Variants in ASB10 observed in about 807,000 individuals in gnomAD.
The protein encoded by ASB10 is ankyrin repeat and SOCS box protein 10.
Under a neutral mutation model 35.4 loss-of-function variants are expected in ASB10, and 44 were observed. That is an observed-to-expected ratio of 1.24 (90% CI 0.98 to 1.60). The LOEUF is 1.60. Among genes scored for constraint, ASB10 ranks in the 40% most tolerant of loss-of-function variants. The probability of loss-of-function intolerance (pLI) is 0.00; values close to 1 mark genes in which losing one functional copy is unlikely to be tolerated. For synonymous variants in ASB10, 294 were observed against 280.4 expected (o/e 1.05, Z -0.49); for missense variants, 647 against 634.3 (o/e 1.02, Z -0.22).
At chr7:151,184,879 A>G (rs1009281992) in intron 2 of ASB10, among the ~76,000 whole-genome samples, 276 of 151,560 alleles carry the variant, frequency 1.8e-3, no homozygotes, top group Admixed American at 4.5e-3. Context: ...AAAATTAGCC[A>G]GGCATGGTGG....
At chr7:151,176,375 TG>T (rs1034061352) in intron 4 of ASB10, 78 bp from the exon 5 acceptor site, 483 of 1,492,680 alleles carry the variant, frequency 3.2e-4, no homozygotes, top group Non-Finnish European at 3.6e-4. Flanking sequence ...GGTAGGCTGG[TG>T]AGGGGTGGGG....
At chr7:151,179,065 C>G (rs190673859) in intron 3 of ASB10, among the ~76,000 whole-genome samples, 2 of 152,350 alleles carry the variant, frequency 1.3e-5, no homozygotes, top group African/African-American at 2.4e-5. Flanking sequence ...ACTCCCATGT[C>G]CAATGATACC....
At chr7:151,179,822 C>T (rs893726283) in intron 3 of ASB10, among the ~76,000 whole-genome samples, 1 of 152,226 alleles carries the variant, frequency 6.6e-6, no homozygotes, top group African/African-American at 2.4e-5. Context: ...AAATCATTAG[C>T]TGTCAGAGCT....
chr7:151,187,309 CCA>C (rs1563578884), upstream of ASB10: 1 of 1,508,316 alleles, frequency 6.6e-7, no homozygotes, highest in Admixed American at 2.1e-5. The surrounding 1 kb of genome is among the most constrained non-coding windows in gnomAD (Gnocchi z 5.3). Context: ...TGTTCTTGGG[CCA>C]AGGTGTAGGC....
At chr7:151,186,084 A>C (rs1801582747) in intron 2 of ASB10, among the ~76,000 whole-genome samples, 1 of 152,096 alleles carries the variant, frequency 6.6e-6, no homozygotes, top group Non-Finnish European at 1.5e-5. Flanking sequence ...AAGTGTTTTC[A>C]AAAATTTTAA....
At chr7:151,185,588 G>T (rs1801574120) in intron 2 of ASB10, among the ~76,000 whole-genome samples, 1 of 152,190 alleles carries the variant, frequency 6.6e-6, no homozygotes, top group Admixed American at 6.5e-5. Flanking sequence ...GAGGGTCCAT[G>T]AAAGGAGAAC....
chr7:151,178,113 G>C (rs947453719), intron 3 of ASB10, among the ~76,000 whole-genome samples: 58 of 152,248 alleles, frequency 3.8e-4, no homozygotes, highest in African/African-American at 1.4e-3. Context: ...CCGGGCGGTA[G>C]TGGCATGCAC....
At chr7:151,187,513 G>T, upstream of ASB10, 1 of 1,551,470 alleles carries the variant, frequency 6.4e-7, no homozygotes, top group Non-Finnish European at 8.7e-7. The surrounding 1 kb of genome is among the most constrained non-coding windows in gnomAD (Gnocchi z 5.3). Flanking sequence ...GGTCGGCTGT[G>T]CTGTGCGGGG....
upstream of ASB10, chr7:151,187,291 C>T (rs1246375583): frequency 1.3e-6 from 2 of 1,508,376 alleles, no homozygotes; most frequent in African/African-American, 1.4e-5. This position sits in a 1 kb window ranked among gnomAD's most constrained non-coding sequence, Gnocchi z 5.3. Context: ...CTGGGCTCCA[C>T]ATGACTGTGT....
Position 151,176,158 on chromosome 7 carries a change from C to T in ASB10, c.1358G>A (p.Arg453His), listed in dbSNP as rs544876556. 9.3e-6 allele frequency: 15 copies of T among 1,611,714 alleles called. No individual in the cohort carries two copies. Among genetic ancestry groups the T allele is most frequent in the East Asian group, 2.2e-5 (1 of 44,886 alleles). Reference protein sequence around the residue: ...QALPRLPLPPRLLRYLQLDFE... With the variant: ...QALPRLPLPPHLLRYLQLDFE... Reference sequence around the variant, plus strand: ...ATCCAGCTGCAGGTAGCGGAGCAGGCGCGGTGGCAGGGGGAGGCGGGGCAG... The same window carrying T: ...ATCCAGCTGCAGGTAGCGGAGCAGGTGCGGTGGCAGGGGGAGGCGGGGCAG... The change falls in exon 5 of 6, where the codon CGC (arginine) becomes CAC (histidine). Residue 453 changes from arginine (R) to histidine (H), a missense_variant. Coordinates refer to ENST00000420175, the MANE Select transcript of ASB10 (RefSeq NM_001142459.2).
At chr7:151,181,544 C>T (rs1801494919) in intron 2 of ASB10, 86 bp from the exon 3 acceptor site, 2 of 1,453,466 alleles carry the variant, frequency 1.4e-6, no homozygotes, top group African/African-American at 2.8e-5. Context: ...TTCTGTCTCC[C>T]CCCACCCACC....
intron 2 of ASB10, among the ~76,000 whole-genome samples, chr7:151,183,413 T>C (rs938865987): frequency 2.6e-5 from 4 of 152,064 alleles, no homozygotes; most frequent in African/African-American, 7.2e-5. Context: ...CTCTCTCTCT[T>C]TTTTTTTCTT....
chr7:151,182,248 G>T (rs766224780), intron 2 of ASB10, among the ~76,000 whole-genome samples: 28 of 152,180 alleles, frequency 1.8e-4, no homozygotes, highest in Non-Finnish European at 3.8e-4. Flanking sequence ...GGGCCTGACA[G>T]TGGGCACACA....
chr7:151,181,325 A>G lies in ASB10; in HGVS notation c.718T>C (p.Cys240Arg), dbSNP rs747726049. Residue 240 changes from cysteine to arginine, a missense_variant, in exon 3 of 6, where the codon TGT becomes CGT. Cys to Arg is a radical substitution (Grantham distance 180, BLOSUM62 -3). Coordinates refer to ENST00000420175, the MANE Select transcript of ASB10 (RefSeq NM_001142459.2). ...CCTTCGGCATTGCGGGCATCAGGAC[A>G]TGCCCCCCGTCTTAGAAGCAGATCT... ...LADLLLRRGA[C>R]PDARNAEGWT... 6.2e-7 allele frequency: 1 copy of G among 1,613,244 alleles called. No homozygotes were observed. Among genetic ancestry groups the G allele is most frequent in the African/African-American group, 1.3e-5 (1 of 75,070 alleles).
At position 151,176,300 on chromosome 7, in the gene ASB10, G is replaced by T. The variant is rs552437104; in HGVS notation, c.1219-3C>A. 2.6e-6 allele frequency: 4 copies of T among 1,541,806 alleles called. 1 individual carries two copies. Among genetic ancestry groups the T allele is most frequent in the Non-Finnish European group, 3.5e-6 (4 of 1,144,474 alleles). ...GAGGAGTAGAAACGCTGATGTTTCT[G>T]GGGGCAGAACAAGGGGCTCAGTGAG... is the stretch of plus-strand genomic sequence containing the variant. On this transcript the variant is annotated splice_region_variant and splice_polypyrimidine_tract_variant and intron_variant, in intron 4 of 5. Transcript: ENST00000420175.
intron 3 of ASB10, among the ~76,000 whole-genome samples, chr7:151,178,692 G>C (rs1470047611): frequency 6.6e-6 from 1 of 152,198 alleles, no homozygotes; most frequent in Non-Finnish European, 1.5e-5. Flanking sequence ...GAGTACCAAT[G>C]AGCAGTGGGA....
chr7:151,186,462 C>T lies in ASB10; in HGVS notation c.514G>A (p.Ala172Thr), dbSNP rs1171763315. The T allele has an allele frequency of 1.3e-6, 2 of 1,594,506 alleles. No homozygotes were observed. Among genetic ancestry groups the T allele is most frequent in the Admixed American group, 3.5e-5 (2 of 56,988 alleles). Residue 172 changes from alanine (A) to threonine (T), a missense_variant, in exon 2 of 6, where the codon GCC becomes ACC. Coordinates refer to ENST00000420175, the MANE Select transcript of ASB10 (RefSeq NM_001142459.2). ...ACVHVLLVAGADPNIADQDGK... is the reference protein window; with the variant it reads ...ACVHVLLVAGTDPNIADQDGK... Reference sequence around the variant, plus strand: ...TCCTGGTCAGCGATGTTGGGGTCGGCTCCTGCCACCAGCAGCACATGAACA... The same window carrying T: ...TCCTGGTCAGCGATGTTGGGGTCGGTTCCTGCCACCAGCAGCACATGAACA...
chr7:151,183,469 G>A (rs117973073), intron 2 of ASB10, among the ~76,000 whole-genome samples: 2 of 152,060 alleles, frequency 1.3e-5, no homozygotes, highest in Admixed American at 6.5e-5. Context: ...ATACAGTGGC[G>A]TGATCTCCAC....
chr7:151,176,643 T>C lies in ASB10; in HGVS notation c.1138A>G (p.Ile380Val), dbSNP rs973068070. The C allele has an allele frequency of 6.4e-7, 1 of 1,551,438 alleles. No individual in the cohort carries two copies. The highest frequency in any genetic ancestry group is 8.7e-7 in the Non-Finnish European group (1 of 1,146,948). ...LERWSTCPRT[I>V]EVLMNTYSVV... is the part of the protein sequence containing the mutation. The stretch of plus-strand genomic sequence containing the variant: ...CTGTAGGTGTTCATCAGGACCTCGA[T>C]GGTCCGAGGGCACGTGCTCCAGCGC... The change falls in exon 4 of 6, where the codon ATC becomes GTC. Residue 380 changes from isoleucine to valine, a missense_variant. Physicochemically the swap from Ile to Val is conservative, Grantham distance 29 (BLOSUM62 3). Coordinates refer to ENST00000420175, the MANE Select transcript of ASB10 (RefSeq NM_001142459.2).
Sources: allele counts gnomAD v4.1 joint callset (sites outside exome capture counted in the v4.1 genomes callset), GRCh38; gene constraint gnomAD v4.1.1; non-coding constraint Gnocchi (gnomAD v3.1); transcripts MANE v1.5; gene names NCBI Gene and HGNC (gene_info 2026-07-23, HGNC 2026-07-21).